The following KIF3C variants were observed in gnomAD, a reference collection of about 807,000 sequenced individuals.
KIF3C encodes kinesin family member 3C.
A neutral mutation model predicts 67.7 loss-of-function variants in KIF3C; 12 were observed. The ratio of observed to expected loss-of-function variants is 0.18; its 90% CI spans 0.11 to 0.29. The LOEUF (loss-of-function observed/expected upper bound fraction) is 0.29. KIF3C is among the 10% of genes least tolerant of loss of function. The pLI is 1.00. For missense variants in KIF3C, 789 were observed against 1,059.6 expected, an observed-to-expected ratio of 0.74 and a Z score of 3.55; for synonymous variants, 393 against 426.2, an observed-to-expected ratio of 0.92 and a Z score of 0.96.
chr2:25,981,215 C>T lies in KIF3C; in HGVS notation c.703G>A (p.Asp235Asn), dbSNP rs910936206. 6.2e-7 allele frequency: 1 copy of T among 1,614,134 alleles called. No individual in the cohort carries two copies. Among genetic ancestry groups the T allele is most frequent in the Non-Finnish European group, 8.5e-7 (1 of 1,180,036 alleles). ...TTGAGCTTGCCCACTCGGATGTGGTCCTGGCCATCAGAGCCACGTTCGCTG... is the reference window on the plus strand; with the variant it reads ...TTGAGCTTGCCCACTCGGATGTGGTTCTGGCCATCAGAGCCACGTTCGCTG... ...ECSERGSDGQ[D>N]HIRVGKLNLV... Residue 235 changes from aspartate to asparagine, a missense_variant, in exon 1 of 8, where the codon GAC becomes AAC. Coordinates refer to ENST00000264712, the MANE Select transcript of KIF3C (RefSeq NM_002254.8). The surrounding 1 kb of genome is among the most constrained non-coding windows in gnomAD (Gnocchi z 8.2).
intron 5 of KIF3C, among the ~76,000 whole-genome samples, chr2:25,940,327 T>C (rs1280709873): frequency 1.3e-5 from 2 of 152,064 alleles, no homozygotes; most frequent in Admixed American, 1.3e-4. Flanking sequence ...TCCTAGCAGT[T>C]TGGGAGGCTG....
chr2:25,937,996 G>A (rs1341929375), intron 5 of KIF3C, among the ~76,000 whole-genome samples: 1 of 151,982 alleles, frequency 6.6e-6, no homozygotes, highest in East Asian at 1.9e-4. Flanking sequence ...CGGAGGTTGA[G>A]TGAACCGAGA....
chr2:25,931,708 G>A, intron 5 of KIF3C, among the ~76,000 whole-genome samples: 1 of 151,772 alleles, frequency 6.6e-6, no homozygotes, highest in East Asian at 1.9e-4. Flanking sequence ...TGCGATCTCA[G>A]TTCACTGCAA....
chr2:25,974,711 A>C (rs545619623), intron 1 of KIF3C, among the ~76,000 whole-genome samples: 2 of 152,110 alleles, frequency 1.3e-5, no homozygotes, highest in South Asian at 4.2e-4. Flanking sequence ...AGTCATTTAC[A>C]CAGAGGGATA....
chr2:25,946,149 A>G (rs2149228421), intron 5 of KIF3C, among the ~76,000 whole-genome samples: 1 of 152,266 alleles, frequency 6.6e-6, no homozygotes, highest in Middle Eastern at 3.4e-3. Context: ...AAATAAAAAT[A>G]AAGCAAATAG....
At chr2:25,950,222 CT>C (rs577841893) in intron 5 of KIF3C, among the ~76,000 whole-genome samples, 122 of 141,322 alleles carry the variant, frequency 8.6e-4, no homozygotes, top group South Asian at 1.8e-3. Context: ...CTTTTCTTTT[CT>C]TTTTTTTTTT....
intron 1 of KIF3C, among the ~76,000 whole-genome samples, chr2:25,962,645 G>A (rs1264063005): frequency 6.8e-6 from 1 of 147,204 alleles, no homozygotes; most frequent in African/African-American, 2.5e-5. Flanking sequence ...CCAAAGTGCT[G>A]GGATTACAGG....
chr2:25,942,833 C>T (rs1663329338), intron 5 of KIF3C, among the ~76,000 whole-genome samples: 1 of 152,094 alleles, frequency 6.6e-6, no homozygotes, highest in Admixed American at 6.6e-5. Flanking sequence ...AAAGAAAGGG[C>T]TAAACTTCCA....
intron 5 of KIF3C, among the ~76,000 whole-genome samples, chr2:25,931,118 G>C (rs549141011): frequency 1.3e-5 from 2 of 152,096 alleles, no homozygotes; most frequent in South Asian, 4.2e-4. Flanking sequence ...AGCATATATA[G>C]GGTTTGGTAC....
chr2:25,941,847 T>TGTAG (rs1269668307), intron 5 of KIF3C, among the ~76,000 whole-genome samples: 1 of 62,334 alleles, frequency 1.6e-5, no homozygotes, highest in East Asian at 2.0e-4. Flanking sequence ...GCCACTGCAC[T>TGTAG]CACTGGGCAA....
Position 25,955,651 on chromosome 2 carries a change from G to A in KIF3C, c.1660C>T (p.Arg554Trp), listed in dbSNP as rs753614267. The A allele has an allele frequency of 5.6e-6, 9 of 1,614,024 alleles. No homozygotes were observed. The highest frequency in any genetic ancestry group is 1.1e-5 in the South Asian group (1 of 91,070). ...AGCATCATCTCCTGCTGCATCTCCC[G>A]CTCACGACGTTTCTAGGCCAAGGAC... The part of the protein sequence containing the change: ...QEIAEQKRRE[R>W]EMQQEMMLRD... Residue 554 changes from arginine (R) to tryptophan (W), a missense_variant, in exon 3 of 8, where the codon CGG becomes TGG. Arg to Trp is a moderately radical substitution (Grantham distance 101). Transcript: ENST00000264712. This position sits in a 1 kb window ranked among gnomAD's most constrained non-coding sequence, Gnocchi z 5.0.
chr2:25,950,206 CCTTTTCTTTT>C (rs1050733934), intron 5 of KIF3C, among the ~76,000 whole-genome samples: 1 of 147,008 alleles, frequency 6.8e-6, no homozygotes, highest in Non-Finnish European at 1.5e-5. Flanking sequence ...AGCAGAAAGA[CCTTTTCTTTT>C]CTTTTCTTTT....
intron 5 of KIF3C, among the ~76,000 whole-genome samples, chr2:25,933,169 T>G (rs2090476428): frequency 6.6e-6 from 1 of 151,616 alleles, no homozygotes; most frequent in Non-Finnish European, 1.5e-5. Context: ...GAGAATTGCT[T>G]GAACCTGGGA....
intron 5 of KIF3C, chr2:25,938,265 A>G (rs1228825424): frequency 2.2e-6 from 1 of 452,658 alleles, no homozygotes; most frequent in Non-Finnish European, 4.4e-6. Flanking sequence ...GAGGTTACTC[A>G]GAGAATTGCT....
In KIF3C at chr2:25,981,097, C is replaced by T; in HGVS notation, c.821G>A (p.Gly274Asp). The change falls in exon 1 of 8, where the codon GGC (glycine) becomes GAC (aspartate). Residue 274 changes from glycine to aspartate, a missense_variant. Physicochemically the swap from Gly to Asp is moderately conservative, Grantham distance 94. This residue lies in a region of KIF3C where 648 missense variants were observed against 807.8 expected (regional missense o/e 0.80). Coordinates refer to ENST00000264712, the MANE Select transcript of KIF3C (RefSeq NM_002254.8). The surrounding 1 kb of genome is among the most constrained non-coding windows in gnomAD (Gnocchi z 8.2). Reference sequence around the variant, plus strand: ...AGCACCACCACCACTGCCTCCACCGCCACCACCGCCACCCGAGGATGGTGT... The same window carrying T: ...AGCACCACCACCACTGCCTCCACCGTCACCACCGCCACCCGAGGATGGTGT... ...AATPSSGGGG[G>D]GGGSGGGAGG... 3.1e-6 allele frequency: 5 copies of T among 1,614,202 alleles called. No individual in the cohort carries two copies. The highest frequency in any genetic ancestry group is 4.2e-6 in the Non-Finnish European group (5 of 1,180,026).
intron 5 of KIF3C, among the ~76,000 whole-genome samples, chr2:25,950,403 G>A (rs977901275): frequency 6.6e-6 from 1 of 150,704 alleles, no homozygotes; most frequent in African/African-American, 2.4e-5. Flanking sequence ...TGTATTTTTA[G>A]TAGAGATGGG....
chr2:25,966,170 A>G (rs906282459), intron 1 of KIF3C, among the ~76,000 whole-genome samples: 1 of 151,866 alleles, frequency 6.6e-6, no homozygotes, highest in African/African-American at 2.4e-5. Flanking sequence ...CAGAGGCACA[A>G]TCTCGGCTCA....
rs906074898 is a variant in KIF3C at position 25,980,229 on chromosome 2, G to C, written c.1545+144C>G. 19 of 690,020 alleles carry C rather than the reference G, an allele frequency of 2.8e-5. No individual in the cohort carries two copies. In the South Asian group the frequency reaches 3.7e-4, roughly 13 times the overall value. 42.7% of individuals were successfully genotyped at this position (690,020 alleles called of 1,614,324 possible). On this transcript the variant is annotated intron_variant, in intron 1 of 7. Coordinates refer to ENST00000264712, the MANE Select transcript of KIF3C (RefSeq NM_002254.8). The surrounding 1 kb of genome is among the most constrained non-coding windows in gnomAD (Gnocchi z 7.6). ...CACAGCAATTTGCCTGGCTGCTCTG[G>C]GGGCACATTTGGCAGGAGGGCAGTG...
At chr2:25,971,871 CTTTTTTTTTTTT>C (rs70950146) in intron 1 of KIF3C, among the ~76,000 whole-genome samples, 5 of 53,804 alleles carry the variant, frequency 9.3e-5, no homozygotes, top group African/African-American at 2.2e-4. Flanking sequence ...CCATGCCTAG[CTTTTTTTTTTTT>C]TTTTTTTTTT....
Sources: gnomAD v4.1 joint callset for allele counts (sites outside exome capture counted in the v4.1 genomes callset) on GRCh38, gnomAD v4.1.1 for gene constraint, gnomAD v4.1.1 regional missense constraint, Gnocchi (gnomAD v3.1) non-coding constraint, MANE v1.5 for transcripts, NCBI Gene and HGNC (gene_info 2026-07-23, HGNC 2026-07-21) for gene names.